OTOF: variants seen among roughly 807,000 people sequenced by gnomAD.
OTOF encodes fer-1-like family member 2.
A neutral mutation model predicts 236.8 loss-of-function variants in OTOF; 218 were observed. The observed-to-expected ratio is 0.92, with a 90% CI of 0.82 to 1.03. The LOEUF is 1.03. Among genes scored for constraint, OTOF ranks in the 50% least tolerant of loss-of-function variants. The pLI, the probability that OTOF is intolerant of heterozygous loss-of-function variation, is 0.00. For missense variants in OTOF, 2,590 were observed against 2,694.4 expected (o/e 0.96, Z 0.86); for synonymous variants, 1,041 against 1,072.5 (o/e 0.97, Z 0.57).
At chr2:26,552,544 G>T (rs1572502032) in intron 1 of OTOF, among the ~76,000 whole-genome samples, 1 of 152,296 alleles carries the variant, frequency 6.6e-6, no homozygotes, top group East Asian at 1.9e-4. Context: ...TTTTGCAGGG[G>T]AAGGCAGTTT....
rs547053801 is a variant in OTOF, at chr2:26,526,305, G to T, written c.227+1527C>A. ...GAGTGGATGGATAGGATGAATGAAA[G>T]GATGGACGGATGAATGGATAGATGG... On this transcript the variant is annotated intron_variant, in intron 3 of 46. Transcript: ENST00000272371. Among the ~76,000 whole-genome samples the T allele has an allele frequency of 2.6e-5, 4 of 151,964 alleles. No individual in the cohort carries two copies. The South Asian group carries it at 8.3e-4, about 32-fold the overall frequency.
In OTOF at chr2:26,462,279, C is replaced by T. The variant is rs1488875292; in HGVS notation, c.5193-98G>A. On this transcript the variant is annotated intron_variant, in intron 41 of 46. Coordinates refer to ENST00000272371, the MANE Select transcript of OTOF (RefSeq NM_194248.3). The surrounding 1 kb of genome is among the most constrained non-coding windows in gnomAD (Gnocchi z 4.7). ...GGCAGGCGGAGAGAAGCCCTGGGGTCTTGGGGTCAGCACAGGGCCTGGGCC... is the reference window on the plus strand; with the variant it reads ...GGCAGGCGGAGAGAAGCCCTGGGGTTTTGGGGTCAGCACAGGGCCTGGGCC... The T allele has an allele frequency of 1.1e-5, 12 of 1,051,722 alleles. No individual in the cohort carries two copies. Among genetic ancestry groups the T allele is most frequent in the Non-Finnish European group, 1.5e-5 (10 of 676,474 alleles). The allele number at this position is 1,051,722 out of a possible 1,614,324, so 65.1% of individuals were successfully genotyped here. A position where few individuals can be genotyped will look rare whatever the true frequency, so the allele number is the denominator to read the frequency against.
chr2:26,460,891 G>C lies in OTOF; in HGVS notation c.5673C>G (p.Pro1891=), dbSNP rs368716091. 2.5e-6 allele frequency: 4 copies of C among 1,614,176 alleles called. No homozygotes were observed. The highest frequency in any genetic ancestry group is 3.4e-6 in the Non-Finnish European group (4 of 1,180,016). Residue 1891 remains proline (P), a synonymous_variant, in exon 44 of 47, where the codon CCC becomes CCG. Coordinates refer to ENST00000272371, the MANE Select transcript of OTOF (RefSeq NM_194248.3). The surrounding 1 kb of genome is among the most constrained non-coding windows in gnomAD (Gnocchi z 5.3). ...FKQKRVKGWW[P]LLARNENDEF... is the part of the protein sequence containing the mutation. ...CATCGTTCTCATTGCGGGCCAGGAG[G>C]GGCCACCAGCCTTTGACGCGCTTTT...
chr2:26,491,822 G>C lies in OTOF; in HGVS notation c.898-2082C>G, dbSNP rs148983796. The stretch of plus-strand genomic sequence containing the variant: ...GATCAGGCCAGGTGCCCGCAGATGT[G>C]CCAGCCCCAGGGGAGCGAGCTAGCT... On this transcript the variant is annotated intron_variant, in intron 9 of 46. Coordinates refer to ENST00000272371, the MANE Select transcript of OTOF (RefSeq NM_194248.3). Among the ~76,000 whole-genome samples the C allele has an allele frequency of 9.6e-3, 1,467 of 152,366 alleles. 13 individuals are homozygous for C. Among genetic ancestry groups the C allele is most frequent in the African/African-American group, 0.012 (506 of 41,580 alleles).
Position 26,471,289 on chromosome 2 carries a change from C to T in OTOF, c.3865-139G>A. 4.4e-6 allele frequency: 4 copies of T among 901,798 alleles called. No individual in the cohort carries two copies. The South Asian group carries it at 5.3e-5, about 12-fold the overall frequency. The allele number at this position is 901,798 out of a possible 1,614,324, so 55.9% of individuals were successfully genotyped here. A position where few individuals can be genotyped will look rare whatever the true frequency, so the allele number is the denominator to read the frequency against. The stretch of plus-strand genomic sequence containing the variant: ...GCAGCCCCTGTGCCCGCAAGGCCAA[C>T]TTTGCATTAATAAGAGCACTCTGAC... On this transcript the variant is annotated intron_variant, in intron 30 of 46. Transcript: ENST00000272371.
In OTOF at chr2:26,470,530, A is replaced by T; in HGVS notation, c.4023+63T>A. On this transcript the variant is annotated intron_variant, in intron 32 of 46. Coordinates refer to ENST00000272371, the MANE Select transcript of OTOF (RefSeq NM_194248.3). The surrounding 1 kb of genome is among the most constrained non-coding windows in gnomAD (Gnocchi z 4.3). ...CAGCTCTTGGGGGCCGTGGGAAAGA[A>T]GCTGGACAGGAGGGTCTGAGTGTGG... 1 of 1,542,326 alleles carries T rather than the reference A, an allele frequency of 6.5e-7. No individual in the cohort carries two copies. Among genetic ancestry groups the T allele is most frequent in the Non-Finnish European group, 9.0e-7 (1 of 1,115,074 alleles).
At chr2:26,466,444 T>C (rs930562659) in intron 36 of OTOF, 10 of 515,566 alleles carry the variant, frequency 1.9e-5, no homozygotes, top group Non-Finnish European at 3.5e-5. Context: ...TCAAGCGATT[T>C]TCCTGCCTCA....
intron 1 of OTOF, among the ~76,000 whole-genome samples, chr2:26,541,938 T>C (rs1572492893): frequency 6.6e-6 from 1 of 152,158 alleles, no homozygotes; most frequent in East Asian, 1.9e-4. Context: ...AGCTGAGCTG[T>C]TTGGTTTGAA....
chr2:26,487,961 G>A (rs1665741400), intron 11 of OTOF, among the ~76,000 whole-genome samples: 2 of 152,202 alleles, frequency 1.3e-5, no homozygotes, highest in Admixed American at 1.3e-4. Context: ...CTAGATGGTG[G>A]ACAAACCCCT....
intron 24 of OTOF, 148 bp downstream of exon 24, chr2:26,475,766 C>G: frequency 9.4e-7 from 1 of 1,068,042 alleles, no homozygotes; most frequent in Non-Finnish European, 1.4e-6. Flanking sequence ...CAGTTATCTG[C>G]AGGGCTTCCC....
At chr2:26,506,066 G>A (rs568036058) in intron 5 of OTOF, among the ~76,000 whole-genome samples, 1 of 152,322 alleles carries the variant, frequency 6.6e-6, no homozygotes, top group South Asian at 2.1e-4. Flanking sequence ...GAAGCATCCT[G>A]TGGGATTTTG....
chr2:26,510,805 C>G, intron 5 of OTOF: 1 of 1,178,760 alleles, frequency 8.5e-7, no homozygotes, highest in South Asian at 1.3e-5. Flanking sequence ...GGCTGTGGAC[C>G]AGAGACACTG....
In OTOF at chr2:26,479,489, G is replaced by A. The variant is rs759306100; in HGVS notation, c.2077C>T (p.Pro693Ser). The A allele has an allele frequency of 6.2e-7, 1 of 1,601,694 alleles. No homozygotes were observed. The highest frequency in any genetic ancestry group is 8.5e-7 in the Non-Finnish European group (1 of 1,175,088). Residue 693 changes from proline (P) to serine (S), a missense_variant, in exon 17 of 47, where the codon CCC (proline) becomes TCC (serine). Pro to Ser is a moderately conservative substitution (Grantham distance 74, BLOSUM62 -1). This residue lies in a region of OTOF where 1,379 missense variants were observed against 1,341.6 expected (regional missense o/e 1.03). Transcript: ENST00000272371. ...ASVSSTPPMR[P>S]QVTDRNYFHL... ...TGGGCCCACCTGTCGGTGACCTGGG[G>A]CCGCATTGGTGGAGTGGAGGAGACT...
In OTOF at chr2:26,460,273, G is replaced by T; in HGVS notation, c.5814-68C>A. 1 of 1,305,842 alleles carries T rather than the reference G, an allele frequency of 7.7e-7. No homozygotes were observed. The highest frequency in any genetic ancestry group is 1.1e-6 in the Non-Finnish European group (1 of 923,372). The allele number at this position is 1,305,842 out of a possible 1,614,324, so 80.9% of individuals were successfully genotyped here. On this transcript the variant is annotated intron_variant, in intron 45 of 46. Transcript: ENST00000272371. The surrounding 1 kb of genome is among the most constrained non-coding windows in gnomAD (Gnocchi z 5.3). ...GAGAAGGGATTGGGTGTGGCGAGGGGCCAAGACCAAGAGGGAAGCTGTCCT... is the reference window on the plus strand; with the variant it reads ...GAGAAGGGATTGGGTGTGGCGAGGGTCCAAGACCAAGAGGGAAGCTGTCCT...
Position 26,459,460 on chromosome 2 carries a change from G to C in OTOF, c.*17+548C>G, listed in dbSNP as rs865897482. Among the ~76,000 whole-genome samples, 5 of 151,632 alleles carry C rather than the reference G, an allele frequency of 3.3e-5. No individual in the cohort carries two copies. In the South Asian group the frequency reaches 1.0e-3, roughly 32 times the overall value. On this transcript the variant is annotated intron_variant, in intron 46 of 46. Transcript: ENST00000272371. ...CCAGCTACTCAGGAGGCTGAGGCAGGAGAATGGCGTGAACCCGGGAGGCGG... is the reference window on the plus strand; with the variant it reads ...CCAGCTACTCAGGAGGCTGAGGCAGCAGAATGGCGTGAACCCGGGAGGCGG...
Position 26,481,025 on chromosome 2 carries a change from C to A in OTOF, c.1580-16G>T. 4 of 1,596,000 alleles carry A rather than the reference C, an allele frequency of 2.5e-6. No homozygotes were observed. The highest frequency in any genetic ancestry group is 2.6e-6 in the Non-Finnish European group (3 of 1,164,950). ...GGCAGGAAGCCTGTGGCAGTGGGAA[C>A]AAAAATGAGGGGGCAGCGTCACATC... On this transcript the variant is annotated splice_polypyrimidine_tract_variant and intron_variant, in intron 14 of 46. Coordinates refer to ENST00000272371, the MANE Select transcript of OTOF (RefSeq NM_194248.3).
intron 1 of OTOF, among the ~76,000 whole-genome samples, chr2:26,553,508 T>C (rs1468288146): frequency 6.6e-6 from 1 of 152,166 alleles, no homozygotes; most frequent in African/African-American, 2.4e-5. Flanking sequence ...CCGCTGGCCC[T>C]CCTGTATGCT....
intron 3 of OTOF, among the ~76,000 whole-genome samples, chr2:26,524,720 A>G (rs925264228): frequency 1.3e-5 from 2 of 152,194 alleles, no homozygotes; most frequent in Non-Finnish European, 2.9e-5. Flanking sequence ...AGTTTCCACC[A>G]TCACTGCTCA....
Position 26,474,524 on chromosome 2 carries a change from C to G in OTOF, c.3277G>C (p.Glu1093Gln), listed in dbSNP as rs1064795233. Reference protein sequence around the residue: ...ATAGDLLAAFELLQIGPAGKA... With the variant: ...ATAGDLLAAFQLLQIGPAGKA... ...CCCTGCAGTCCCACCTGCAGCAGCT[C>G]GAAGGCCGCCAGCAGGTCTCCAGCT... is the stretch of plus-strand genomic sequence containing the variant. Residue 1093 changes from glutamate to glutamine, a missense_variant, in exon 26 of 47, where the codon GAG becomes CAG. Physicochemically the swap from Glu to Gln is conservative, Grantham distance 29. Coordinates refer to ENST00000272371, the MANE Select transcript of OTOF (RefSeq NM_194248.3). 1.2e-6 allele frequency: 2 copies of G among 1,608,040 alleles called. No individual in the cohort carries two copies. Among genetic ancestry groups the G allele is most frequent in the South Asian group, 1.1e-5 (1 of 90,388 alleles).
Sources: gnomAD v4.1 joint callset for allele counts (sites outside exome capture counted in the v4.1 genomes callset) on GRCh38, gnomAD v4.1.1 for gene constraint, gnomAD v4.1.1 regional missense constraint, Gnocchi (gnomAD v3.1) non-coding constraint, MANE v1.5 for transcripts, NCBI Gene and HGNC (gene_info 2026-07-23, HGNC 2026-07-21) for gene names.